The following TSN variants were observed in gnomAD, a reference collection of about 807,000 sequenced individuals.
TSN encodes the protein translin.
A neutral mutation model predicts 29.4 loss-of-function variants in TSN; 5 were observed. The ratio of observed to expected loss-of-function variants is 0.17; its 90% CI spans 0.09 to 0.36. TSN has a LOEUF of 0.36. Ranked by LOEUF, TSN falls within the 10% of genes least tolerant of loss-of-function variation. The pLI, the probability that TSN is intolerant of heterozygous loss-of-function variation, is 1.00. For synonymous variants in TSN, 106 were observed against 102.2 expected, an observed-to-expected ratio of 1.04 and a Z score of -0.23; for missense variants, 159 against 272.8, an observed-to-expected ratio of 0.58 and a Z score of 2.94.
At chr2:121,762,605 G>A (rs909869386) in intron 4 of TSN, among the ~76,000 whole-genome samples, 29 of 152,194 alleles carry the variant, frequency 1.9e-4, no homozygotes, top group Non-Finnish European at 4.4e-5. Context: ...ATGAATACCT[G>A]TTTACATGCC....
chr2:121,762,654 C>T (rs2074848339), intron 4 of TSN, among the ~76,000 whole-genome samples: 1 of 151,938 alleles, frequency 6.6e-6, no homozygotes, highest in Non-Finnish European at 1.5e-5. Context: ...GCTACATCTG[C>T]TTAATCTTCT....
Position 121,765,274 on chromosome 2 carries a change from G to T in TSN, c.594G>T (p.Leu198Phe), listed in dbSNP as rs754787601. The change falls in exon 6 of 6, where the codon TTG (leucine) becomes TTT (phenylalanine). Residue 198 changes from leucine to phenylalanine, a missense_variant. This residue lies in a region of TSN where 85 missense variants were observed against 178.1 expected (regional missense o/e 0.48). Coordinates refer to ENST00000389682, the MANE Select transcript of TSN (RefSeq NM_004622.3). ...CCCTGAGGAAGCGCTACGACGGATT[G>T]AAATATGACGTGAAGAAAGTAGAGG... is the stretch of plus-strand genomic sequence containing the variant. ...NDSLRKRYDG[L>F]KYDVKKVEEV... 1 of 1,614,202 alleles carries T rather than the reference G, an allele frequency of 6.2e-7. No individual in the cohort carries two copies. Among genetic ancestry groups the T allele is most frequent in the Non-Finnish European group, 8.5e-7 (1 of 1,180,042 alleles).
Position 121,767,625 on chromosome 2 carries a change from T to G in TSN, c.*2258T>G, listed in dbSNP as rs945442798. ...GGGGACACTGTCTTATGGATTCATT[T>G]ATAAGAAGAGAACCAGCCATATACA... is the stretch of plus-strand genomic sequence containing the variant. On this transcript the variant is annotated 3_prime_UTR_variant, in exon 6 of 6. Transcript: ENST00000389682. 1 of 152,126 alleles carries G rather than the reference T, an allele frequency of 6.6e-6. No homozygotes were observed. Among genetic ancestry groups the G allele is most frequent in the Admixed American group, 6.6e-5 (1 of 15,266 alleles). 9.4% of individuals were successfully genotyped at this position (152,126 alleles called of 1,614,324 possible).
At chr2:121,760,654 A>G (rs941657204) in intron 3 of TSN, among the ~76,000 whole-genome samples, 6 of 152,084 alleles carry the variant, frequency 3.9e-5, no homozygotes, top group African/African-American at 1.4e-4. Context: ...TTGTTTAGTG[A>G]TTGCAAATGG....
intron 4 of TSN, among the ~76,000 whole-genome samples, chr2:121,762,260 G>A (rs1239992374): frequency 6.6e-6 from 1 of 152,156 alleles, no homozygotes; most frequent in Admixed American, 6.5e-5. Context: ...CCAAAGTGCT[G>A]GGATTACAGG....
chr2:121,757,067 T>C (rs1370654102), intron 1 of TSN, among the ~76,000 whole-genome samples, 173 bp from the exon 2 acceptor site: 4 of 152,220 alleles, frequency 2.6e-5, no homozygotes, highest in Admixed American at 2.6e-4. Context: ...AAAGGGTATC[T>C]GAGGAATCTA....
intron 3 of TSN, among the ~76,000 whole-genome samples, chr2:121,760,238 T>C (rs923834278): frequency 6.6e-6 from 1 of 152,216 alleles, no homozygotes; most frequent in African/African-American, 2.4e-5. Context: ...ATGCGAGGGA[T>C]CTAGGTTGCA....
chr2:121,756,616 A>C (rs1209909108), intron 1 of TSN: 2 of 1,299,602 alleles, frequency 1.5e-6, no homozygotes, highest in East Asian at 1.1e-4. Context: ...TTTAAAAATG[A>C]ATTAGAGGCG....
At chr2:121,760,871 C>CTTTT (rs187719044) in intron 3 of TSN, among the ~76,000 whole-genome samples, 1 of 132,864 alleles carries the variant, frequency 7.5e-6, no homozygotes, top group African/African-American at 2.9e-5. Context: ...TTTTTTCTGT[C>CTTTT]TTTTTTTTTT....
At chr2:121,762,884 A>C in intron 4 of TSN, 121 bp from the exon 5 acceptor site, 1 of 921,038 alleles carries the variant, frequency 1.1e-6, no homozygotes, top group South Asian at 1.9e-5. Flanking sequence ...TATATTAAAA[A>C]GCCAGTTTTT....
chr2:121,755,958 G>A (rs1037784598), intron 1 of TSN, 113 bp downstream of exon 1: 5 of 1,552,434 alleles, frequency 3.2e-6, no homozygotes, highest in Non-Finnish European at 4.4e-6. Flanking sequence ...CCGAGGGTGG[G>A]TTGCTTCCCC....
rs1381107228 is a variant in TSN at position 121,755,851 on chromosome 2, C to T, written c.66+6C>T. The T allele has an allele frequency of 1.2e-6, 2 of 1,613,844 alleles. No individual in the cohort carries two copies. The highest frequency in any genetic ancestry group is 1.7e-5 in the Admixed American group (1 of 60,004). ...CCGAGCAGGACATCCGAGAGGCGAG[C>T]CCCCTCCCTTCCCCATTCCCTTTGC... On this transcript the variant is annotated splice_donor_region_variant and intron_variant, in intron 1 of 5. Coordinates refer to ENST00000389682, the MANE Select transcript of TSN (RefSeq NM_004622.3).
chr2:121,758,582 C>G, intron 2 of TSN, 128 bp from the exon 3 acceptor site: 1 of 555,502 alleles, frequency 1.8e-6, no homozygotes, highest in Non-Finnish European at 2.9e-6. Flanking sequence ...GGTTGAAAAG[C>G]ACAGATGTGT....
chr2:121,763,410 G>A (rs1355398814), intron 5 of TSN, among the ~76,000 whole-genome samples: 1 of 152,152 alleles, frequency 6.6e-6, no homozygotes, highest in Admixed American at 6.5e-5. Context: ...CTCCCAGAGT[G>A]CTGGGATTAT....
At chr2:121,756,238 G>T (rs1438531646) in intron 1 of TSN, 7 of 259,556 alleles carry the variant, frequency 2.7e-5, no homozygotes, top group Non-Finnish European at 5.4e-5. Context: ...TAAAAAATCA[G>T]ACTCTACTGT....
At chr2:121,759,607 A>G (rs1173330095) in intron 3 of TSN, among the ~76,000 whole-genome samples, 1 of 144,882 alleles carries the variant, frequency 6.9e-6, no homozygotes, top group Admixed American at 6.9e-5. Flanking sequence ...GACTCCATCT[A>G]AAAAAAAAAA....
chr2:121,760,998 T>C (rs908925833), intron 3 of TSN, among the ~76,000 whole-genome samples: 2 of 151,538 alleles, frequency 1.3e-5, no homozygotes, highest in African/African-American at 4.9e-5. Context: ...GCCTCCCGAG[T>C]AGCTGGGACT....
At chr2:121,760,657 G>A (rs147789144) in intron 3 of TSN, among the ~76,000 whole-genome samples, 67 of 152,264 alleles carry the variant, frequency 4.4e-4, no homozygotes, top group African/African-American at 1.5e-3. Flanking sequence ...TTTAGTGATT[G>A]CAAATGGTAA....
chr2:121,763,396 T>C (rs1453325909), intron 5 of TSN, among the ~76,000 whole-genome samples: 3 of 152,162 alleles, frequency 2.0e-5, no homozygotes, highest in Non-Finnish European at 2.9e-5. Flanking sequence ...CCGCCCACCT[T>C]GGCCTCCCAG....
Sources: allele counts gnomAD v4.1 joint callset (sites outside exome capture counted in the v4.1 genomes callset), GRCh38; gene constraint gnomAD v4.1.1; regional missense constraint gnomAD v4.1.1; transcripts MANE v1.5; gene names NCBI Gene and HGNC (gene_info 2026-07-23, HGNC 2026-07-21).